The following KITLG variants were observed in gnomAD, a reference collection of about 807,000 sequenced individuals.
The protein encoded by KITLG is c-Kit ligand.
Under a neutral mutation model 34.1 loss-of-function variants are expected in KITLG, and 13 were observed. The observed-to-expected ratio is 0.38, with a 90% CI of 0.25 to 0.61. The LOEUF is 0.61. Ranked by LOEUF, KITLG falls within the 20% of genes least tolerant of loss-of-function variation. The pLI is 0.60. For missense variants in KITLG, 292 were observed against 318.9 expected (o/e 0.92, Z 0.64); for synonymous variants, 110 against 104.0 (o/e 1.06, Z -0.35).
intron 1 of KITLG, among the ~76,000 whole-genome samples, chr12:88,563,435 T>G (rs557253239): frequency 2.6e-5 from 4 of 152,348 alleles, no homozygotes; most frequent in African/African-American, 7.2e-5. Context: ...TCCCCTATCA[T>G]GCAACTTGTT....
chr12:88,538,875 T>C (rs190842856), intron 2 of KITLG, among the ~76,000 whole-genome samples: 43 of 152,230 alleles, frequency 2.8e-4, no homozygotes, highest in Non-Finnish European at 7.4e-5. Flanking sequence ...AATAAAAAAC[T>C]GCAAAAACAA....
intron 2 of KITLG, among the ~76,000 whole-genome samples, chr12:88,535,245 T>A (rs1370965178): frequency 2.0e-5 from 3 of 152,188 alleles, no homozygotes; most frequent in Non-Finnish European, 2.9e-5. Flanking sequence ...CACTGAAATC[T>A]ACATTCTACC....
chr12:88,505,780 TAAG>T (rs1331775905), intron 8 of KITLG, among the ~76,000 whole-genome samples: 1 of 152,120 alleles, frequency 6.6e-6, no homozygotes, highest in Non-Finnish European at 1.5e-5. Context: ...GTATTTTGAA[TAAG>T]AAGTCACACT....
At chr12:88,542,139 A>T (rs1436125568) in intron 2 of KITLG, among the ~76,000 whole-genome samples, 1 of 152,168 alleles carries the variant, frequency 6.6e-6, no homozygotes, top group Non-Finnish European at 1.5e-5. Context: ...TGAAAAAAAC[A>T]TCATTATGGA....
At chr12:88,560,537 C>T (rs1871260786) in intron 1 of KITLG, among the ~76,000 whole-genome samples, 1 of 152,196 alleles carries the variant, frequency 6.6e-6, no homozygotes, top group Non-Finnish European at 1.5e-5. Flanking sequence ...TGGATCCGCT[C>T]TTCCAAGCAG....
chr12:88,553,765 C>T (rs1176313450), intron 1 of KITLG, among the ~76,000 whole-genome samples: 1 of 152,080 alleles, frequency 6.6e-6, no homozygotes, highest in African/African-American at 2.4e-5. Flanking sequence ...CTGTTACAAC[C>T]AAGGCATGCA....
chr12:88,521,892 T>C (rs1869681162), intron 3 of KITLG, among the ~76,000 whole-genome samples: 1 of 152,164 alleles, frequency 6.6e-6, no homozygotes. Flanking sequence ...GTGCTTTCTA[T>C]CCCTATGTAC....
chr12:88,533,843 T>A, intron 2 of KITLG, among the ~76,000 whole-genome samples: 1 of 152,216 alleles, frequency 6.6e-6, no homozygotes, highest in East Asian at 1.9e-4. Context: ...TATTGATAAA[T>A]GAATTTAGGC....
rs1036480902 is a variant in KITLG at position 88,494,578 on chromosome 12, G to C, written c.*2641C>G. 8 of 152,278 alleles carry C rather than the reference G, an allele frequency of 5.3e-5. No homozygotes were observed. Among genetic ancestry groups the C allele is most frequent in the African/African-American group, 1.9e-4 (8 of 41,342 alleles). The allele number at this position is 152,278 out of a possible 1,614,324, so 9.4% of individuals were successfully genotyped here. ...TGACTCATTAAAATGTGGCAGTGTG[G>C]TAAGCACATTAAATTACAATACAAT... On this transcript the variant is annotated 3_prime_UTR_variant, in exon 10 of 10. Coordinates refer to ENST00000644744, the MANE Select transcript of KITLG (RefSeq NM_000899.5).
intron 3 of KITLG, among the ~76,000 whole-genome samples, chr12:88,528,012 G>T (rs918766517): frequency 2.6e-5 from 4 of 152,154 alleles, no homozygotes; most frequent in African/African-American, 9.7e-5. Flanking sequence ...CTACAAACTT[G>T]GTGGCTTAAA....
chr12:88,498,854 A>G (rs535114296), intron 9 of KITLG, among the ~76,000 whole-genome samples: 1 of 152,334 alleles, frequency 6.6e-6, no homozygotes, highest in East Asian at 1.9e-4. Flanking sequence ...AGCCTGGGCT[A>G]CAGAGCAAGA....
chr12:88,549,894 GC>G (rs1349060364), intron 1 of KITLG, among the ~76,000 whole-genome samples: 3 of 152,092 alleles, frequency 2.0e-5, no homozygotes, highest in African/African-American at 7.2e-5. Flanking sequence ...AGAGAGCAAA[GC>G]AAAAAGATCA....
chr12:88,560,941 C>T (rs1321804088), intron 1 of KITLG, among the ~76,000 whole-genome samples: 2 of 136,652 alleles, frequency 1.5e-5, no homozygotes, highest in Non-Finnish European at 3.0e-5. Context: ...GCACTCAAGC[C>T]TGGGTAACAA....
chr12:88,555,589 C>T (rs543375851), intron 1 of KITLG, among the ~76,000 whole-genome samples: 1 of 152,102 alleles, frequency 6.6e-6, no homozygotes, highest in African/African-American at 2.4e-5. Flanking sequence ...CTCTTTAACT[C>T]AATCAGTTTC....
intron 1 of KITLG, among the ~76,000 whole-genome samples, chr12:88,562,885 C>G (rs1485242729): frequency 6.6e-6 from 1 of 152,116 alleles, no homozygotes; most frequent in African/African-American, 2.4e-5. Context: ...CCAGAGCTCC[C>G]TTTCTGAAGA....
chr12:88,564,287 A>C (rs1442470922), intron 1 of KITLG: 1 of 152,156 alleles, frequency 6.6e-6, no homozygotes, highest in African/African-American at 2.4e-5. Context: ...GAAAAGGGGG[A>C]GAGTGGGTAA....
intron 6 of KITLG, among the ~76,000 whole-genome samples, chr12:88,514,137 T>A (rs562777768): frequency 3.0e-4 from 45 of 151,740 alleles, no homozygotes; most frequent in African/African-American, 1.1e-3. Flanking sequence ...AGAAAAATAA[T>A]AAAATCACAA....
chr12:88,501,934 C>T (rs529966619), intron 9 of KITLG, among the ~76,000 whole-genome samples: 156 of 152,176 alleles, frequency 1.0e-3, no homozygotes, highest in African/African-American at 3.6e-3. Flanking sequence ...AAAAATCCTG[C>T]CCCCTAAGAG....
At chr12:88,565,714 G>A (rs150553231) in intron 1 of KITLG, among the ~76,000 whole-genome samples, 14 of 152,276 alleles carry the variant, frequency 9.2e-5, no homozygotes, top group Admixed American at 9.2e-4. Flanking sequence ...GGAACAAACA[G>A]ATCAGGTTTG....
Sources: allele counts gnomAD v4.1 joint callset (sites outside exome capture counted in the v4.1 genomes callset), GRCh38; gene constraint gnomAD v4.1.1; transcripts MANE v1.5; gene names NCBI Gene and HGNC (gene_info 2026-07-23, HGNC 2026-07-21).